SPIRE1: variants seen among roughly 807,000 people sequenced by gnomAD.
SPIRE1 encodes the protein protein spire homolog 1.
A neutral mutation model predicts 94.1 loss-of-function variants in SPIRE1; 40 were observed. The ratio of observed to expected loss-of-function variants is 0.43; its 90% CI spans 0.33 to 0.55. The LOEUF (loss-of-function observed/expected upper bound fraction) is 0.55, where lower values mean the gene tolerates loss of function less well. Among genes scored for constraint, SPIRE1 ranks in the 20% least tolerant of loss-of-function variants. SPIRE1 has a pLI of 0.06. For synonymous variants in SPIRE1, 376 were observed against 371.7 expected (o/e 1.01, Z -0.13); for missense variants, 838 against 975.2 (o/e 0.86, Z 1.87).
intron 5 of SPIRE1, among the ~76,000 whole-genome samples, chr18:12,511,762 T>C (rs1331178927): frequency 6.6e-6 from 1 of 152,172 alleles, no homozygotes; most frequent in African/African-American, 2.4e-5. Context: ...TCTCACTCTA[T>C]TGACCAGGCT....
chr18:12,461,558 C>CATACATATGTATATACATACATGT (rs1568184217), intron 12 of SPIRE1, among the ~76,000 whole-genome samples: 5,643 of 148,044 alleles, frequency 0.038, 474 homozygotes, highest in African/African-American at 0.13. Context: ...TACATACATG[C>CATACATATGTATATACATACATGT]GTGTATATGT....
intron 2 of SPIRE1, among the ~76,000 whole-genome samples, chr18:12,589,111 T>C (rs989836067): frequency 2.0e-5 from 3 of 152,222 alleles, no homozygotes; most frequent in African/African-American, 2.4e-5. Context: ...CCTATGCACA[T>C]ATTATTTATT....
intron 10 of SPIRE1, among the ~76,000 whole-genome samples, chr18:12,465,948 G>C (rs182316047): frequency 3.9e-5 from 6 of 151,976 alleles, no homozygotes; most frequent in Admixed American, 3.9e-4. Context: ...GCCAGGCGTG[G>C]TGGCACGCGC....
chr18:12,621,707 T>A (rs1031114080), intron 2 of SPIRE1, among the ~76,000 whole-genome samples: 1 of 152,086 alleles, frequency 6.6e-6, no homozygotes, highest in Non-Finnish European at 1.5e-5. Context: ...GGCTAGGAGG[T>A]GATAGCTAAA....
At chr18:12,619,831 G>T (rs2037415342) in intron 2 of SPIRE1, among the ~76,000 whole-genome samples, 1 of 140,682 alleles carries the variant, frequency 7.1e-6, no homozygotes, top group Non-Finnish European at 1.5e-5. Context: ...GGGCAACAGA[G>T]CGAGACTCTG....
intron 2 of SPIRE1, among the ~76,000 whole-genome samples, chr18:12,613,878 G>A (rs752211871): frequency 2.0e-5 from 3 of 152,170 alleles, no homozygotes; most frequent in Non-Finnish European, 4.4e-5. Flanking sequence ...ACAACAAAGT[G>A]AGACTCTTGT....
At chr18:12,520,339 G>T (rs1016262186) in intron 4 of SPIRE1, among the ~76,000 whole-genome samples, 1 of 152,012 alleles carries the variant, frequency 6.6e-6, no homozygotes, top group African/African-American at 2.4e-5. Flanking sequence ...ACAACTCCTG[G>T]GTTTTGAACC....
At chr18:12,487,752 T>G (rs2143823358) in intron 8 of SPIRE1, among the ~76,000 whole-genome samples, 2 of 152,358 alleles carry the variant, frequency 1.3e-5, no homozygotes, top group Non-Finnish European at 2.9e-5. Context: ...GCTTTTACAA[T>G]TTATGCATAT....
intron 8 of SPIRE1, among the ~76,000 whole-genome samples, chr18:12,490,396 T>C (rs531330907): frequency 6.6e-6 from 1 of 152,218 alleles, no homozygotes; most frequent in South Asian, 2.1e-4. Flanking sequence ...CTACCAAATA[T>C]TGAAAGAAGA....
intron 12 of SPIRE1, among the ~76,000 whole-genome samples, chr18:12,455,774 C>A (rs542464618): frequency 4.5e-4 from 68 of 152,192 alleles, no homozygotes; most frequent in Non-Finnish European, 8.8e-4. Flanking sequence ...ATAATTCACT[C>A]CCACACACAC....
intron 12 of SPIRE1, among the ~76,000 whole-genome samples, chr18:12,458,827 A>G (rs1380318820): frequency 3.3e-5 from 5 of 152,208 alleles, no homozygotes; most frequent in Non-Finnish European, 5.9e-5. Context: ...GGGAAAAAGG[A>G]CAGAGGTTTT....
At chr18:12,596,716 G>A (rs1008014144) in intron 2 of SPIRE1, among the ~76,000 whole-genome samples, 1 of 151,974 alleles carries the variant, frequency 6.6e-6, no homozygotes, top group African/African-American at 2.4e-5. Context: ...AAATGAATGT[G>A]TATATTATAT....
Position 12,464,941 on chromosome 18 carries a change from C to T in SPIRE1, c.1422G>A (p.Lys474=). 1 of 1,614,042 alleles carries T rather than the reference C, an allele frequency of 6.2e-7. No homozygotes were observed. Among genetic ancestry groups the T allele is most frequent in the Non-Finnish European group, 8.5e-7 (1 of 1,179,992 alleles). The change falls in exon 11 of 17, where the codon AAG becomes AAA. Residue 474 remains lysine (K), a synonymous_variant. Transcript: ENST00000409402. ...SSESEEETLH[K]STSSSSVSPS... ...GAGACACGCTGCTGCTGCTGGTCGA[C>T]TTGTGCAGCGTTTCTTCCTGAGCAA... is the stretch of plus-strand genomic sequence containing the variant.
chr18:12,492,417 T>C (rs182735632), intron 8 of SPIRE1, among the ~76,000 whole-genome samples: 9 of 152,270 alleles, frequency 5.9e-5, no homozygotes, highest in South Asian at 4.1e-4. Context: ...GGCCTTCCTA[T>C]AAATCAAAAT....
intron 4 of SPIRE1, among the ~76,000 whole-genome samples, chr18:12,514,741 A>G (rs970350627): frequency 6.6e-6 from 1 of 152,206 alleles, no homozygotes; most frequent in African/African-American, 2.4e-5. Context: ...ACAGAAACAC[A>G]TGCTCTGCGT....
chr18:12,587,330 T>C (rs2036414129), intron 2 of SPIRE1, among the ~76,000 whole-genome samples: 1 of 152,126 alleles, frequency 6.6e-6, no homozygotes, highest in Non-Finnish European at 1.5e-5. Context: ...TTTGAGACTC[T>C]AGGAAAAAAA....
At chr18:12,651,698 AT>A (rs1354561769) in intron 1 of SPIRE1, among the ~76,000 whole-genome samples, 4 of 152,074 alleles carry the variant, frequency 2.6e-5, no homozygotes, top group Non-Finnish European at 4.4e-5. Context: ...AAAAAAACAT[AT>A]TTTTTCACTA....
At chr18:12,608,466 T>G (rs1347488558) in intron 2 of SPIRE1, among the ~76,000 whole-genome samples, 1 of 152,178 alleles carries the variant, frequency 6.6e-6, no homozygotes, top group African/African-American at 2.4e-5. Flanking sequence ...GATTCCACCT[T>G]TCCTCTCTTA....
At chr18:12,615,763 T>C (rs1369923879) in intron 2 of SPIRE1, among the ~76,000 whole-genome samples, 2 of 151,836 alleles carry the variant, frequency 1.3e-5, no homozygotes, top group Non-Finnish European at 2.9e-5. Flanking sequence ...AAATTATTTC[T>C]GTGTTTTAAG....
Sources: gnomAD v4.1 joint callset for allele counts (sites outside exome capture counted in the v4.1 genomes callset) on GRCh38, gnomAD v4.1.1 for gene constraint, MANE v1.5 for transcripts, NCBI Gene and HGNC (gene_info 2026-07-23, HGNC 2026-07-21) for gene names.